CACNA1I: variants seen among roughly 807,000 people sequenced by gnomAD.
The protein encoded by CACNA1I is voltage-dependent T-type calcium channel subunit alpha-1I.
CACNA1I carries 74 observed loss-of-function variants against 201.6 expected under a neutral mutation model. The ratio of observed to expected loss-of-function variants is 0.37; its 90% confidence interval spans 0.30 to 0.45. The LOEUF (loss-of-function observed/expected upper bound fraction) is 0.45. Among genes scored for constraint, CACNA1I ranks in the 20% least tolerant of loss-of-function variants. The pLI is 1.00. For synonymous variants in CACNA1I, 1,431 were observed against 1,345.2 expected (o/e 1.06, Z -1.40); for missense variants, 2,346 against 3,138.1 (o/e 0.75, Z 6.03).
rs984659142 is a variant in CACNA1I, at chr22:39,676,674, C to T, written c.4855-667C>T. Among the ~76,000 whole-genome samples the T allele has an allele frequency of 7.9e-5, 12 of 152,160 alleles. 1 individual carries two copies. The highest frequency in any genetic ancestry group is 7.9e-4 in the Admixed American group (12 of 15,276). On this transcript the variant is annotated intron_variant, in intron 29 of 36. Transcript: ENST00000402142. The surrounding 1 kb of genome is among the most constrained non-coding windows in gnomAD (Gnocchi z 4.8). ...ACGGGCCTGCGTGATTCCTGCCTTC[C>T]CTCCTCTCTATGGCCAGGCCTCATG...
At chr22:39,573,529 C>A (rs923892344) in intron 1 of CACNA1I, among the ~76,000 whole-genome samples, 1 of 152,108 alleles carries the variant, frequency 6.6e-6, no homozygotes, top group African/African-American at 2.4e-5. Context: ...TGAGCCTCAG[C>A]ACCTCCACCT....
rs947538745 is a variant in CACNA1I at position 39,665,939 on chromosome 22, G to A, written c.4037G>A (p.Arg1346His). 4 of 1,613,774 alleles carry A rather than the reference G, an allele frequency of 2.5e-6. No individual in the cohort carries two copies. Among genetic ancestry groups the A allele is most frequent in the Non-Finnish European group, 3.4e-6 (4 of 1,179,858 alleles). ...GTGGACACCCGCAACATCACCAACC[G>A]CTCGGACTGCATGGCCGCCAACTAC... ...LGVDTRNITNRSDCMAANYRW... is the reference protein window; with the variant it reads ...LGVDTRNITNHSDCMAANYRW... The change falls in exon 23 of 37, where the codon CGC (arginine) becomes CAC (histidine). Residue 1346 changes from arginine to histidine, a missense_variant. This residue lies in a region of CACNA1I where 228 missense variants were observed against 395.7 expected (regional missense o/e 0.58). Coordinates refer to ENST00000402142, the MANE Select transcript of CACNA1I (RefSeq NM_021096.4). This position sits in a 1 kb window ranked among gnomAD's most constrained non-coding sequence, Gnocchi z 5.5.
intron 32 of CACNA1I, 57 bp from the exon 33 acceptor site, chr22:39,679,665 A>G (rs907221038): frequency 2.0e-6 from 3 of 1,485,290 alleles, no homozygotes; most frequent in Non-Finnish European, 2.7e-6. Context: ...CCCACCCCAC[A>G]GCCCCGGGAC....
At chr22:39,590,680 G>GC (rs1932810556) in intron 1 of CACNA1I, among the ~76,000 whole-genome samples, 2 of 152,196 alleles carry the variant, frequency 1.3e-5, no homozygotes, top group East Asian at 3.9e-4. Flanking sequence ...TGCAGATCCT[G>GC]CCCCTGCCAC....
rs180846798 is a variant in CACNA1I, at chr22:39,577,281, G to A, written c.236+6293G>A. Among the ~76,000 whole-genome samples, 7 of 152,272 alleles carry A rather than the reference G, an allele frequency of 4.6e-5. No homozygotes were observed. The East Asian group carries it at 5.8e-4, about 13-fold the overall frequency. On this transcript the variant is annotated intron_variant, in intron 1 of 36. Transcript: ENST00000402142. ...GAACTCCTGACTTCAGGTAATCTGC[G>A]CAGCTCGGCCTCCCAAAGTGCTGGG...
chr22:39,642,902 G>T lies in CACNA1I; in HGVS notation c.1149+13G>T, dbSNP rs1258764967. 6.4e-7 allele frequency: 1 copy of T among 1,558,244 alleles called. No homozygotes were observed. The highest frequency in any genetic ancestry group is 2.3e-5 in the East Asian group (1 of 43,962). ...CCTGCTTATCATAGTAAGTGTCAGG[G>T]AGCCTGGGCTCCTAGGTGTGCTCAG... On this transcript the variant is annotated intron_variant, in intron 7 of 36. Transcript: ENST00000402142.
chr22:39,611,521 C>T (rs1239145408), intron 3 of CACNA1I, among the ~76,000 whole-genome samples: 1 of 152,208 alleles, frequency 6.6e-6, no homozygotes, highest in African/African-American at 2.4e-5. Context: ...CCAAAAGCAT[C>T]TCTGCACCAC....
chr22:39,646,284 T>A lies in CACNA1I; in HGVS notation c.1150-285T>A, dbSNP rs1934482665. 2.6e-5 allele frequency among the ~76,000 whole-genome samples: 4 copies of A among 152,062 alleles called. No individual in the cohort carries two copies. In the South Asian group the frequency reaches 8.3e-4, roughly 32 times the overall value. On this transcript the variant is annotated intron_variant, in intron 7 of 36. Coordinates refer to ENST00000402142, the MANE Select transcript of CACNA1I (RefSeq NM_021096.4). ...CTGCATCTCCCCTCCCTTGCATCTG[T>A]CTTTTCTGAGCCCGTCTTACTCTCT...
At position 39,663,706 on chromosome 22, in the gene CACNA1I, C is replaced by A; in HGVS notation, c.3474-12C>A. Reference sequence around the variant, plus strand: ...AGCTGACGCTCAGGCAGCCCCCGCCCACCCTGCCCAGGTTCCGGGTCCTGT... The same window carrying A: ...AGCTGACGCTCAGGCAGCCCCCGCCAACCCTGCCCAGGTTCCGGGTCCTGT... On this transcript the variant is annotated splice_polypyrimidine_tract_variant and intron_variant, in intron 18 of 36. Coordinates refer to ENST00000402142, the MANE Select transcript of CACNA1I (RefSeq NM_021096.4). 1 of 1,609,852 alleles carries A rather than the reference C, an allele frequency of 6.2e-7. No homozygotes were observed. Among genetic ancestry groups the A allele is most frequent in the Non-Finnish European group, 8.5e-7 (1 of 1,177,088 alleles).
chr22:39,598,294 G>GCCCTA (rs780654427), intron 2 of CACNA1I, 32 bp downstream of exon 2: 3 of 893,016 alleles, frequency 3.4e-6, no homozygotes, highest in Non-Finnish European at 4.3e-6. Context: ...GCCCCGCCCT[G>GCCCTA]CCCTCATCCT....
chr22:39,675,618 A>T (rs1026947702), intron 29 of CACNA1I, among the ~76,000 whole-genome samples: 3 of 152,242 alleles, frequency 2.0e-5, no homozygotes, highest in Non-Finnish European at 4.4e-5. Flanking sequence ...TTGTATGGAC[A>T]TTGGCCATTT....
chr22:39,624,486 C>T (rs1454991060), intron 4 of CACNA1I, among the ~76,000 whole-genome samples: 3 of 152,210 alleles, frequency 2.0e-5, no homozygotes, highest in South Asian at 4.1e-4. Context: ...GTCGGCTTCC[C>T]GCCCCTGAGC....
intron 2 of CACNA1I, among the ~76,000 whole-genome samples, chr22:39,599,536 G>A (rs962632909): frequency 7.1e-6 from 1 of 139,944 alleles, no homozygotes; most frequent in Non-Finnish European, 1.5e-5. Flanking sequence ...GGAGAATGGC[G>A]TGAACCCGGG....
intron 3 of CACNA1I, among the ~76,000 whole-genome samples, chr22:39,605,250 AG>A (rs1933186105): frequency 6.6e-6 from 1 of 152,144 alleles, no homozygotes; most frequent in Admixed American, 6.5e-5. Context: ...CCGAGTTAGA[AG>A]GTTCCTTAGA....
At chr22:39,672,865 G>C (rs1935411839) in intron 27 of CACNA1I, 84 bp from the exon 28 acceptor site, 1 of 1,453,726 alleles carries the variant, frequency 6.9e-7, no homozygotes, top group African/African-American at 1.4e-5. Context: ...GTCAGGACCT[G>C]GGAGGCTCCC....
At chr22:39,680,123 C>G (rs1000202473) in intron 33 of CACNA1I, among the ~76,000 whole-genome samples, 16 of 152,218 alleles carry the variant, frequency 1.1e-4, no homozygotes, top group Non-Finnish European at 7.4e-5. Context: ...GGCAGCTGCC[C>G]CACCTTGTGT....
intron 24 of CACNA1I, among the ~76,000 whole-genome samples, chr22:39,669,380 T>C (rs1003132526): frequency 2.0e-5 from 3 of 152,362 alleles, no homozygotes; most frequent in Non-Finnish European, 4.4e-5. Flanking sequence ...TGCATGCACA[T>C]GCGTACATGG....
intron 3 of CACNA1I, among the ~76,000 whole-genome samples, chr22:39,603,981 T>C (rs1933138926): frequency 6.6e-6 from 1 of 152,230 alleles, no homozygotes; most frequent in Non-Finnish European, 1.5e-5. Flanking sequence ...CAGGAAATTG[T>C]GAAGCAAACA....
At position 39,665,818 on chromosome 22, in the gene CACNA1I, C is replaced by G. The variant is rs547309546; in HGVS notation, c.3979-63C>G. 3.1e-5 allele frequency: 49 copies of G among 1,603,264 alleles called. No individual in the cohort carries two copies. The East Asian group carries it at 1.0e-3, about 34-fold the overall frequency. ...AGTCTGAGTAAACGCGATCGAGAGG[C>G]GAGTTCCTCTCTGACTTGCAACCCT... On this transcript the variant is annotated intron_variant, in intron 22 of 36. Coordinates refer to ENST00000402142, the MANE Select transcript of CACNA1I (RefSeq NM_021096.4). This position sits in a 1 kb window ranked among gnomAD's most constrained non-coding sequence, Gnocchi z 5.5.
Sources: allele counts gnomAD v4.1 joint callset (sites outside exome capture counted in the v4.1 genomes callset), GRCh38; gene constraint gnomAD v4.1.1; regional missense constraint gnomAD v4.1.1; non-coding constraint Gnocchi (gnomAD v3.1); transcripts MANE v1.5; gene names NCBI Gene and HGNC (gene_info 2026-07-23, HGNC 2026-07-21).